The following SLC9C1 variants were observed in gnomAD, a reference collection of about 807,000 sequenced individuals.
SLC9C1 encodes sodium/hydrogen exchanger 10.
A neutral mutation model predicts 140.9 loss-of-function variants in SLC9C1; 97 were observed. The observed-to-expected ratio is 0.69, with a 90% CI of 0.58 to 0.82. The LOEUF is 0.82. SLC9C1 is among the 40% of genes least tolerant of loss of function. The pLI is 0.00. For synonymous variants in SLC9C1, 440 were observed against 442.6 expected (o/e 0.99, Z 0.07); for missense variants, 1,340 against 1,389.3 (o/e 0.96, Z 0.56).
rs144033824 is a variant in SLC9C1 at position 112,239,954 on chromosome 3, T to G, written c.1332A>C (p.Gln444His). ...TKYKSVCCTF[Q>H]HFQELTKSAA... ...CAGACTTGGTTAGCTCTTGAAAGTG[T>G]TGAAATGTGCAACAAACCGATTTAT... The change falls in exon 12 of 29, where the codon CAA (glutamine) becomes CAC (histidine). Residue 444 changes from glutamine (Q) to histidine (H), a missense_variant. Gln to His is a conservative substitution (Grantham distance 24). Transcript: ENST00000305815. 1.5e-5 allele frequency: 25 copies of G among 1,613,744 alleles called. No individual in the cohort carries two copies. In the African/African-American group the frequency reaches 2.9e-4, roughly 19 times the overall value.
intron 3 of SLC9C1, among the ~76,000 whole-genome samples, chr3:112,279,493 G>T (rs2080303429): frequency 6.6e-6 from 1 of 152,098 alleles, no homozygotes; most frequent in Non-Finnish European, 1.5e-5. Context: ...AGATTTTCAG[G>T]CAATCAAGAC....
intron 26 of SLC9C1, among the ~76,000 whole-genome samples, chr3:112,163,845 T>C (rs2075382037): frequency 6.6e-6 from 1 of 152,016 alleles, no homozygotes; most frequent in African/African-American, 2.4e-5. Context: ...TTCTGTCTCG[T>C]TGATCTGTCT....
chr3:112,208,410 T>C (rs746049219), intron 15 of SLC9C1, 37 bp from the exon 16 acceptor site: 1 of 1,359,126 alleles, frequency 7.4e-7, no homozygotes. Context: ...TGATAAAAGG[T>C]TTACATTAAA....
intron 10 of SLC9C1, among the ~76,000 whole-genome samples, chr3:112,250,037 A>G (rs193167096): frequency 1.4e-3 from 214 of 151,256 alleles, no homozygotes; most frequent in Middle Eastern, 3.4e-3. Context: ...AGCATTAGGT[A>G]TATCTCCTAA....
At chr3:112,205,449 A>C (rs2078021608) in intron 16 of SLC9C1, among the ~76,000 whole-genome samples, 1 of 138,340 alleles carries the variant, frequency 7.2e-6, no homozygotes, top group African/African-American at 2.7e-5. Context: ...GGTAGGAAGA[A>C]TCAATATCGT....
chr3:112,193,679 G>A (rs757975881), intron 20 of SLC9C1, among the ~76,000 whole-genome samples: 88 of 152,198 alleles, frequency 5.8e-4, no homozygotes, highest in Admixed American at 1.3e-3. Flanking sequence ...GGACAGGGCT[G>A]TTTTTCAGGT....
chr3:112,185,279 G>C (rs989049756), intron 20 of SLC9C1, among the ~76,000 whole-genome samples: 13 of 149,540 alleles, frequency 8.7e-5, no homozygotes, highest in Non-Finnish European at 1.8e-4. Flanking sequence ...ATATCACAGG[G>C]GTATTGAGGA....
chr3:112,194,709 C>G (rs758100433), intron 20 of SLC9C1, among the ~76,000 whole-genome samples: 29 of 152,130 alleles, frequency 1.9e-4, no homozygotes, highest in Non-Finnish European at 2.6e-4. Context: ...AAGTGCCATA[C>G]TGTTTCCCAC....
intron 1 of SLC9C1, among the ~76,000 whole-genome samples, chr3:112,293,399 T>C (rs1011824609): frequency 6.6e-6 from 1 of 152,170 alleles, no homozygotes; most frequent in African/African-American, 2.4e-5. Context: ...TCAGCCAGCA[T>C]TGAGAAATTT....
At chr3:112,224,296 C>A (rs780448407) in intron 13 of SLC9C1, among the ~76,000 whole-genome samples, 1 of 152,136 alleles carries the variant, frequency 6.6e-6, no homozygotes, top group Non-Finnish European at 1.5e-5. Context: ...AACTGACACC[C>A]TGGGACATAT....
At position 112,221,115 on chromosome 3, in the gene SLC9C1, A is replaced by G; in HGVS notation, c.1670+13T>C. 1 of 1,607,404 alleles carries G rather than the reference A, an allele frequency of 6.2e-7. No individual in the cohort carries two copies. The highest frequency in any genetic ancestry group is 8.5e-7 in the Non-Finnish European group (1 of 1,174,330). On this transcript the variant is annotated intron_variant, in intron 14 of 28. Transcript: ENST00000305815. ...GGCTTAGAATAGAAGCCATCTCTTG[A>G]GAATATACTTACTTTCCCTTCTTCT...
chr3:112,223,456 C>T (rs1373815435), intron 13 of SLC9C1, among the ~76,000 whole-genome samples: 1 of 152,114 alleles, frequency 6.6e-6, no homozygotes, highest in East Asian at 1.9e-4. Flanking sequence ...AACGTGTCTA[C>T]TCTAAAAGTA....
intron 13 of SLC9C1, among the ~76,000 whole-genome samples, chr3:112,224,397 CA>C (rs58631526): frequency 0.76 from 114,449 of 151,510 alleles, 43,593 homozygotes; most frequent in East Asian, 0.99. Flanking sequence ...TGCAAGGATA[CA>C]AAAAAAACAT....
At chr3:112,283,477 T>TA (rs200690332) in intron 2 of SLC9C1, among the ~76,000 whole-genome samples, 19,950 of 80,366 alleles carry the variant, frequency 0.25, 1,648 homozygotes, top group East Asian at 0.47. Context: ...ACCCTATCTC[T>TA]AAAAAAAAAA....
intron 26 of SLC9C1, among the ~76,000 whole-genome samples, chr3:112,158,331 G>T (rs1485977085): frequency 6.6e-6 from 1 of 151,892 alleles, no homozygotes; most frequent in Non-Finnish European, 1.5e-5. Context: ...TTATTGATTT[G>T]CATATGTTGA....
chr3:112,233,857 C>T (rs6438054), intron 12 of SLC9C1, among the ~76,000 whole-genome samples: 106,338 of 151,934 alleles, frequency 0.7, 37,424 homozygotes, highest in Middle Eastern at 0.79. Context: ...ATATGTGCCA[C>T]GTTTTCTTAA....
intron 5 of SLC9C1, 100 bp from the exon 6 acceptor site, chr3:112,275,125 T>C (rs2080181216): frequency 8.0e-7 from 1 of 1,250,344 alleles, no homozygotes; most frequent in Non-Finnish European, 1.1e-6. Context: ...AAGGATGGTC[T>C]TAGCTATGGA....
chr3:112,256,965 C>A (rs141919200), intron 10 of SLC9C1, among the ~76,000 whole-genome samples: 68 of 151,878 alleles, frequency 4.5e-4, no homozygotes, highest in African/African-American at 9.6e-4. Flanking sequence ...TTCATAATTG[C>A]CCAAATAATA....
chr3:112,159,639 A>C (rs2075229419), intron 26 of SLC9C1, among the ~76,000 whole-genome samples: 1 of 152,038 alleles, frequency 6.6e-6, no homozygotes, highest in South Asian at 2.1e-4. Flanking sequence ...TAATCTGCCC[A>C]TTGCTGTAAC....
Sources: allele counts gnomAD v4.1 joint callset (sites outside exome capture counted in the v4.1 genomes callset), GRCh38; gene constraint gnomAD v4.1.1; transcripts MANE v1.5; gene names NCBI Gene and HGNC (gene_info 2026-07-23, HGNC 2026-07-21).